Variants in NECAB1 observed in about 807,000 individuals in gnomAD.
NECAB1 encodes N-terminal EF-hand calcium-binding protein 1.
A neutral mutation model predicts 57.5 loss-of-function variants in NECAB1; 29 were observed. The observed-to-expected ratio is 0.50, with a 90% CI of 0.38 to 0.69. NECAB1 has a LOEUF of 0.69. Among genes scored for constraint, NECAB1 ranks in the 30% least tolerant of loss-of-function variants. The pLI, the probability that NECAB1 is intolerant of heterozygous loss-of-function variation, is 0.00. For missense variants in NECAB1, 372 were observed against 413.8 expected (o/e 0.90, Z 0.88); for synonymous variants, 142 against 147.7 (o/e 0.96, Z 0.28).
At chr8:90,900,082 T>C (rs1484168354) in intron 5 of NECAB1, among the ~76,000 whole-genome samples, 1 of 152,208 alleles carries the variant, frequency 6.6e-6, no homozygotes, top group Non-Finnish European at 1.5e-5. Flanking sequence ...TGCCTTTCTC[T>C]ATGAGTAAAC....
At chr8:90,860,241 T>TTC (rs1402758677) in intron 3 of NECAB1, among the ~76,000 whole-genome samples, 8 of 149,570 alleles carry the variant, frequency 5.3e-5, no homozygotes, top group East Asian at 3.9e-4. Context: ...TTTTTTTCTT[T>TTC]TTTTTTTTTT....
At chr8:90,942,165 C>T (rs996040128) in intron 10 of NECAB1, among the ~76,000 whole-genome samples, 1 of 152,128 alleles carries the variant, frequency 6.6e-6, no homozygotes, top group Non-Finnish European at 1.5e-5. Flanking sequence ...TGAGAAAGAC[C>T]CTCACTGGCT....
intron 6 of NECAB1, among the ~76,000 whole-genome samples, chr8:90,920,203 G>A (rs1254950912): frequency 6.6e-6 from 1 of 152,224 alleles, no homozygotes; most frequent in East Asian, 1.9e-4. Flanking sequence ...AAGACACCCA[G>A]GAATGACAAA....
intron 8 of NECAB1, among the ~76,000 whole-genome samples, chr8:90,934,015 G>A (rs1276011616): frequency 6.6e-6 from 1 of 152,008 alleles, no homozygotes; most frequent in African/African-American, 2.4e-5. Context: ...TTCCCTCTCT[G>A]TTTTAATGTA....
At chr8:90,792,118 A>G (rs559170188) in intron 1 of NECAB1, 133 bp downstream of exon 1, 1 of 685,584 alleles carries the variant, frequency 1.5e-6, no homozygotes, top group African/African-American at 1.8e-5. Context: ...ACCGATGCAA[A>G]TGCAGGAGGA....
intron 3 of NECAB1, among the ~76,000 whole-genome samples, chr8:90,846,949 A>T (rs552000157): frequency 6.6e-6 from 1 of 152,178 alleles, no homozygotes; most frequent in East Asian, 1.9e-4. Context: ...GCCAAACCAT[A>T]TCATTGTGCC....
intron 5 of NECAB1, among the ~76,000 whole-genome samples, chr8:90,903,449 GTCA>G (rs1809556990): frequency 6.6e-6 from 1 of 152,066 alleles, no homozygotes. Flanking sequence ...TATAATAAAA[GTCA>G]GTAGAGTTTT....
intron 5 of NECAB1, among the ~76,000 whole-genome samples, chr8:90,897,728 T>C (rs183514317): frequency 5.1e-4 from 78 of 152,262 alleles, no homozygotes; most frequent in Non-Finnish European, 2.4e-4. Flanking sequence ...TGACCCCCAG[T>C]GGTCTGGGGA....
At chr8:90,830,521 A>G (rs1027385259) in intron 3 of NECAB1, among the ~76,000 whole-genome samples, 13 of 152,100 alleles carry the variant, frequency 8.5e-5, no homozygotes, top group African/African-American at 3.1e-4. Flanking sequence ...GGTTTCAGCA[A>G]TACAAATTTG....
At chr8:90,915,150 T>C (rs531713953) in intron 5 of NECAB1, among the ~76,000 whole-genome samples, 1 of 152,348 alleles carries the variant, frequency 6.6e-6, no homozygotes, top group South Asian at 2.1e-4. Flanking sequence ...TAGTATATAC[T>C]GAGATGCGAA....
chr8:90,824,834 C>T lies in NECAB1; in HGVS notation c.233+9C>T, dbSNP rs763380063. The T allele has an allele frequency of 2.9e-6, 4 of 1,402,340 alleles. No homozygotes were observed. The highest frequency in any genetic ancestry group is 3.9e-6 in the Non-Finnish European group (4 of 1,027,768). 86.9% of individuals were successfully genotyped at this position (1,402,340 alleles called of 1,614,324 possible). A position where few individuals can be genotyped will look rare whatever the true frequency, so the allele number is the denominator to read the frequency against. On this transcript the variant is annotated intron_variant, in intron 3 of 12. Transcript: ENST00000417640. The stretch of plus-strand genomic sequence containing the variant: ...GATACACATAATACTAAGTAAGAAA[C>T]TTTTTTATCACTGGATTCCACAAGT...
At chr8:90,898,022 T>C (rs1203720874) in intron 5 of NECAB1, among the ~76,000 whole-genome samples, 1 of 152,218 alleles carries the variant, frequency 6.6e-6, no homozygotes, top group Non-Finnish European at 1.5e-5. Context: ...TCCTCTGTCA[T>C]TTTCTGTAGT....
At position 90,917,613 on chromosome 8, in the gene NECAB1, A is replaced by C; in HGVS notation, c.479A>C (p.Gln160Pro). 1 of 1,608,966 alleles carries C rather than the reference A, an allele frequency of 6.2e-7. No homozygotes were observed. The highest frequency in any genetic ancestry group is 8.5e-7 in the Non-Finnish European group (1 of 1,177,156). Residue 160 changes from glutamine to proline, a missense_variant, in exon 6 of 13, where the codon CAA (glutamine) becomes CCA (proline). By Grantham distance (76) the Gln-to-Pro change is moderately conservative (BLOSUM62 -1). Coordinates refer to ENST00000417640, the MANE Select transcript of NECAB1 (RefSeq NM_022351.5). ...LECAMETTEE[Q>P]TRQERQGPAK... ...TGTGCCATGGAAACTACTGAGGAGCAAACCCGTCAAGAAAGGCAATTTACA... is the reference window on the plus strand; with the variant it reads ...TGTGCCATGGAAACTACTGAGGAGCCAACCCGTCAAGAAAGGCAATTTACA...
At chr8:90,922,063 A>G (rs1810127381) in intron 6 of NECAB1, among the ~76,000 whole-genome samples, 1 of 152,254 alleles carries the variant, frequency 6.6e-6, no homozygotes, top group Admixed American at 6.5e-5. Context: ...CTAAATGTGA[A>G]TTACATTAAT....
intron 5 of NECAB1, among the ~76,000 whole-genome samples, chr8:90,908,627 T>G (rs1238247891): frequency 1.3e-5 from 2 of 152,134 alleles, no homozygotes; most frequent in East Asian, 3.9e-4. Context: ...TACACATACC[T>G]TAACCTTTTT....
At chr8:90,839,747 G>A (rs1343372887) in intron 3 of NECAB1, among the ~76,000 whole-genome samples, 1 of 152,194 alleles carries the variant, frequency 6.6e-6, no homozygotes, top group Non-Finnish European at 1.5e-5. Context: ...GAATCAGGGT[G>A]GAGAGAGGCT....
chr8:90,876,511 G>A (rs1215529812), intron 4 of NECAB1, among the ~76,000 whole-genome samples: 2 of 151,970 alleles, frequency 1.3e-5, no homozygotes, highest in South Asian at 2.1e-4. Context: ...GACTTTTGTG[G>A]CAGCTGTGGG....
chr8:90,906,883 A>ATATATATATG (rs1554574055), intron 5 of NECAB1, among the ~76,000 whole-genome samples: 1 of 80,758 alleles, frequency 1.2e-5, no homozygotes, highest in African/African-American at 4.8e-5. Context: ...ACACATATAT[A>ATATATATATG]TATATATATA....
chr8:90,927,205 T>TCTTTTTTC (rs1554576544), intron 7 of NECAB1, among the ~76,000 whole-genome samples: 1 of 38,490 alleles, frequency 2.6e-5, no homozygotes, highest in Non-Finnish European at 3.7e-5. Flanking sequence ...TTTCTCTCTC[T>TCTTTTTTC]TTTTTTTTTT....
Sources: gnomAD v4.1 joint callset for allele counts (sites outside exome capture counted in the v4.1 genomes callset) on GRCh38, gnomAD v4.1.1 for gene constraint, MANE v1.5 for transcripts, NCBI Gene and HGNC (gene_info 2026-07-23, HGNC 2026-07-21) for gene names.